RBMS3: variants seen among roughly 807,000 people sequenced by gnomAD.
RBMS3 encodes the protein RNA binding motif single stranded interacting protein 3, also known as RNA-binding motif, single-stranded-interacting protein 3.
RBMS3 carries 27 observed loss-of-function variants against 66.8 expected under a neutral mutation model. The observed-to-expected ratio is 0.40, with a 90% CI of 0.30 to 0.56. The LOEUF (loss-of-function observed/expected upper bound fraction) is 0.56, where lower values mean the gene tolerates loss of function less well. Among genes scored for constraint, RBMS3 ranks in the 20% least tolerant of loss-of-function variants. RBMS3 has a pLI of 0.40. For missense variants in RBMS3, 513 were observed against 549.5 expected (o/e 0.93, Z 0.66); for synonymous variants, 188 against 183.0 (o/e 1.03, Z -0.22).
At chr3:29,996,576 C>T (rs1303674192) in intron 14 of RBMS3, among the ~76,000 whole-genome samples, 2 of 149,236 alleles carry the variant, frequency 1.3e-5, no homozygotes. Context: ...ATCTCTCAGA[C>T]CACAGTGCAA....
chr3:29,525,046 G>C (rs1010196311), intron 3 of RBMS3, among the ~76,000 whole-genome samples: 2 of 152,004 alleles, frequency 1.3e-5, no homozygotes, highest in Non-Finnish European at 2.9e-5. Context: ...GGAGTAAGAC[G>C]TTGTCTCTAA....
chr3:29,561,729 G>A (rs891630241), intron 3 of RBMS3, among the ~76,000 whole-genome samples: 1 of 152,142 alleles, frequency 6.6e-6, no homozygotes, highest in Non-Finnish European at 1.5e-5. Flanking sequence ...AGGATTACAG[G>A]CATGAGCCAC....
chr3:29,451,736 C>G (rs2042023980), intron 2 of RBMS3, among the ~76,000 whole-genome samples: 1 of 152,102 alleles, frequency 6.6e-6, no homozygotes, highest in Non-Finnish European at 1.5e-5. Flanking sequence ...TTTATGCCTA[C>G]AGTGCTTCAT....
chr3:29,509,279 A>C (rs929449423), intron 3 of RBMS3, among the ~76,000 whole-genome samples: 21 of 152,228 alleles, frequency 1.4e-4, no homozygotes, highest in African/African-American at 5.1e-4. Flanking sequence ...AATTATTTAC[A>C]TGCCACATGG....
chr3:29,828,484 T>A (rs568000227), intron 6 of RBMS3, among the ~76,000 whole-genome samples: 1 of 152,332 alleles, frequency 6.6e-6, no homozygotes, highest in East Asian at 1.9e-4. Context: ...GCATATTATC[T>A]TCTATTTTTT....
At chr3:29,348,539 G>A (rs762754584) in intron 1 of RBMS3, among the ~76,000 whole-genome samples, 19 of 149,898 alleles carry the variant, frequency 1.3e-4, no homozygotes, top group South Asian at 4.2e-4. Context: ...ACTTAAGGCC[G>A]TGAGAAATTT....
intron 1 of RBMS3, among the ~76,000 whole-genome samples, chr3:29,302,775 G>T (rs1235123296): frequency 3.3e-5 from 5 of 151,996 alleles, no homozygotes; most frequent in African/African-American, 1.2e-4. Context: ...TGTGCTATGT[G>T]GCTGGGATGC....
intron 1 of RBMS3, among the ~76,000 whole-genome samples, chr3:29,341,017 C>T (rs561213226): frequency 1.1e-3 from 171 of 151,892 alleles, no homozygotes; most frequent in Non-Finnish European, 1.7e-3. Context: ...TTATCATAAG[C>T]GCCATACCAC....
chr3:29,939,545 T>C (rs571550965), intron 11 of RBMS3, among the ~76,000 whole-genome samples: 2 of 152,000 alleles, frequency 1.3e-5, no homozygotes, highest in South Asian at 2.1e-4. Flanking sequence ...AAAGATAAGC[T>C]GAATTCTTGA....
At chr3:29,964,771 A>G (rs1009923294) in intron 12 of RBMS3, among the ~76,000 whole-genome samples, 2 of 152,122 alleles carry the variant, frequency 1.3e-5, no homozygotes, top group Non-Finnish European at 2.9e-5. Context: ...ATTTGGTTAC[A>G]TGAGTAAGTT....
At chr3:29,471,973 G>A (rs1379717472) in intron 2 of RBMS3, among the ~76,000 whole-genome samples, 3 of 151,996 alleles carry the variant, frequency 2.0e-5, no homozygotes, top group Non-Finnish European at 4.4e-5. Context: ...ACTTCTCCAT[G>A]TCTATGTATC....
chr3:29,563,514 AC>A (rs1240882411), intron 3 of RBMS3, among the ~76,000 whole-genome samples: 1 of 152,172 alleles, frequency 6.6e-6, no homozygotes, highest in African/African-American at 2.4e-5. Flanking sequence ...GGCAATTCTT[AC>A]ATCTTTGATC....
intron 4 of RBMS3, among the ~76,000 whole-genome samples, chr3:29,732,787 T>TA (rs2054191166): frequency 6.6e-6 from 1 of 152,104 alleles, no homozygotes. Context: ...ACTGTTCCAT[T>TA]AAAAAAATCT....
intron 1 of RBMS3, among the ~76,000 whole-genome samples, chr3:29,333,635 G>A (rs558181212): frequency 6.6e-6 from 1 of 152,222 alleles, no homozygotes; most frequent in South Asian, 2.1e-4. Context: ...TGGAACTAGG[G>A]TGGGTAAGTC....
At chr3:29,444,786 GCCTTT>G (rs2041757495) in intron 2 of RBMS3, among the ~76,000 whole-genome samples, 2 of 30,396 alleles carry the variant, frequency 6.6e-5, no homozygotes, top group African/African-American at 1.8e-4. Context: ...GGAAATATAT[GCCTTT>G]TTTTTTTTTT....
At position 29,810,395 on chromosome 3, in the gene RBMS3, A is replaced by G. The variant is rs937463388; in HGVS notation, c.637+47406A>G. ...TATTTCTAATTAATGGATGGTTGAA[A>G]TCTTCAAACTACCTTGGACCTATTT... On this transcript the variant is annotated intron_variant, in intron 6 of 14. Transcript: ENST00000383767. Among the ~76,000 whole-genome samples, 25 of 152,298 alleles carry G rather than the reference A, an allele frequency of 1.6e-4. 1 individual carries two copies. Among genetic ancestry groups the G allele is most frequent in the Admixed American group, 1.6e-3 (24 of 15,290 alleles).
intron 1 of RBMS3, among the ~76,000 whole-genome samples, chr3:29,374,751 C>A (rs2038380032): frequency 6.6e-6 from 1 of 152,180 alleles, no homozygotes; most frequent in Non-Finnish European, 1.5e-5. Flanking sequence ...ACTTGAGCAG[C>A]AACTGTATTT....
chr3:29,807,750 A>G (rs1438371709), intron 6 of RBMS3, among the ~76,000 whole-genome samples: 1 of 151,658 alleles, frequency 6.6e-6, no homozygotes, highest in Non-Finnish European at 1.5e-5. Context: ...TCTCATTGTA[A>G]AAATAAAATA....
chr3:29,894,556 A>C (rs796985909), intron 8 of RBMS3, among the ~76,000 whole-genome samples: 3 of 151,558 alleles, frequency 2.0e-5, no homozygotes, highest in African/African-American at 7.2e-5. Flanking sequence ...ATCCTATTTC[A>C]TTAAGGCCCC....
Sources: allele counts gnomAD v4.1 joint callset (sites outside exome capture counted in the v4.1 genomes callset), GRCh38; gene constraint gnomAD v4.1.1; transcripts MANE v1.5; gene names NCBI Gene and HGNC (gene_info 2026-07-23, HGNC 2026-07-21).